Variants in ARHGEF7 observed in about 807,000 individuals in gnomAD.
The protein encoded by ARHGEF7 is PAK-interacting exchange factor beta.
ARHGEF7 carries 33 observed loss-of-function variants against 109.8 expected under a neutral mutation model. That is an observed-to-expected ratio of 0.30 (90% CI 0.23 to 0.40). ARHGEF7 has a LOEUF of 0.40. Ranked by LOEUF, ARHGEF7 falls within the 10% of genes least tolerant of loss-of-function variation. ARHGEF7 has a pLI of 1.00. For missense variants in ARHGEF7, 938 were observed against 1,098.5 expected, an observed-to-expected ratio of 0.85 and a Z score of 2.07; for synonymous variants, 458 against 424.6, an observed-to-expected ratio of 1.08 and a Z score of -0.97.
intron 6 of ARHGEF7, among the ~76,000 whole-genome samples, chr13:111,234,741 C>A (rs1415636270): frequency 6.6e-6 from 1 of 151,104 alleles, no homozygotes; most frequent in Non-Finnish European, 1.5e-5. Flanking sequence ...CCCTTTTTTT[C>A]ATTCATCTTC....
At chr13:111,137,496 C>G (rs551802107) in intron 1 of ARHGEF7, among the ~76,000 whole-genome samples, 1 of 152,214 alleles carries the variant, frequency 6.6e-6, no homozygotes, top group East Asian at 1.9e-4. Context: ...TCATGCTTAA[C>G]AAGTTTCCTA....
rs1393419922 is a variant in ARHGEF7 at position 111,144,168 on chromosome 13, G to A, written c.166-9737G>A. The A allele has an allele frequency of 3.3e-5, 5 of 152,182 alleles. No homozygotes were observed. In the East Asian group the frequency reaches 9.6e-4, roughly 29 times the overall value. 9.4% of individuals were successfully genotyped at this position (152,182 alleles called of 1,614,324 possible). A position where few individuals can be genotyped will look rare whatever the true frequency, so the allele number is the denominator to read the frequency against. ...TGGGAACTGGAGGTTTGGTACACTTGTATCTATTACTACCCTTCATAATCT... is the reference window on the plus strand; with the variant it reads ...TGGGAACTGGAGGTTTGGTACACTTATATCTATTACTACCCTTCATAATCT... On this transcript the variant is annotated intron_variant, in intron 1 of 21. Transcript: ENST00000646102.
chr13:111,148,489 G>A (rs2075729249), intron 1 of ARHGEF7, among the ~76,000 whole-genome samples: 1 of 152,190 alleles, frequency 6.6e-6, no homozygotes, highest in African/African-American at 2.4e-5. Flanking sequence ...GGCACAGGAT[G>A]GTTTTAAGGG....
rs561274081 is a variant in ARHGEF7, at chr13:111,221,620, G to GTA, written c.670+3750_670+3751dup. ...ATAGATATATATCTCCCCTTTATATGTATATATATATGTATCTCCCCTTTA... is the reference window on the plus strand; with the variant it reads ...ATAGATATATATCTCCCCTTTATATGTATATATATATATGTATCTCCCCTTTA... On this transcript the variant is annotated intron_variant, in intron 5 of 21. Transcript: ENST00000646102. 1.3e-3 allele frequency among the ~76,000 whole-genome samples: 133 copies of GTA among 103,020 alleles called. 1 individual carries two copies. The highest frequency in any genetic ancestry group is 7.7e-3 in the South Asian group (22 of 2,874). 67.6% of individuals were successfully genotyped at this position (103,020 alleles called of 152,430 possible).
At chr13:111,274,460 G>A (rs1315586823) in intron 10 of ARHGEF7, among the ~76,000 whole-genome samples, 1 of 152,192 alleles carries the variant, frequency 6.6e-6, no homozygotes, top group South Asian at 2.1e-4. Context: ...CTGTATGTGA[G>A]CCGTGGCAGT....
At position 111,250,371 on chromosome 13, in the gene ARHGEF7, G is replaced by C. The variant is rs1307347712; in HGVS notation, c.950+6077G>C. ...ACGTGCGTGATGCTGGCTGGCTGCT[G>C]ATAGAGCCTGTCCTGGTGGAGCTTA... On this transcript the variant is annotated intron_variant, in intron 8 of 21. Coordinates refer to ENST00000646102, the MANE Select transcript of ARHGEF7 (RefSeq NM_001354046.2). Among the ~76,000 whole-genome samples the C allele has an allele frequency of 5.3e-5, 8 of 152,352 alleles. No homozygotes were observed. In the East Asian group the frequency reaches 1.3e-3, roughly 26 times the overall value.
Position 111,292,101 on chromosome 13 carries a change from C to T in ARHGEF7, c.2135-17C>T, listed in dbSNP as rs1306540728. 2 of 1,609,214 alleles carry T rather than the reference C, an allele frequency of 1.2e-6. No homozygotes were observed. The highest frequency in any genetic ancestry group is 1.7e-6 in the Non-Finnish European group (2 of 1,177,574). On this transcript the variant is annotated splice_polypyrimidine_tract_variant and intron_variant, in intron 18 of 21. Coordinates refer to ENST00000646102, the MANE Select transcript of ARHGEF7 (RefSeq NM_001354046.2). ...CCCCCTGCCTGTCGCGCCTGTCCCT[C>T]CGCCCGCCCGTCTTAGCATGGCAAG...
At chr13:111,299,392 G>A (rs1224074125) in intron 19 of ARHGEF7, among the ~76,000 whole-genome samples, 4 of 146,500 alleles carry the variant, frequency 2.7e-5, no homozygotes, top group Non-Finnish European at 4.5e-5. Flanking sequence ...GCCCAGGCTG[G>A]AGTGCAGTGG....
chr13:111,226,599 A>G lies in ARHGEF7; in HGVS notation c.671-6606A>G, dbSNP rs533264497. 8.7e-4 allele frequency among the ~76,000 whole-genome samples: 133 copies of G among 152,318 alleles called. 1 individual carries two copies. The highest frequency in any genetic ancestry group is 1.7e-3 in the Non-Finnish European group (117 of 68,026). ...CCACTTTAGAGACCTCCCACTCAGGAAAAAAAGATTCCCTTGAGCATGTTA... is the reference window on the plus strand; with the variant it reads ...CCACTTTAGAGACCTCCCACTCAGGGAAAAAAGATTCCCTTGAGCATGTTA... On this transcript the variant is annotated intron_variant, in intron 5 of 21. Transcript: ENST00000646102.
intron 1 of ARHGEF7, among the ~76,000 whole-genome samples, chr13:111,139,478 A>G (rs1008003370): frequency 3.9e-5 from 6 of 152,056 alleles, no homozygotes; most frequent in Non-Finnish European, 7.4e-5. Context: ...AGGCCTCCAG[A>G]GCGTGTTTTG....
At chr13:111,167,212 G>A (rs896369281) in intron 2 of ARHGEF7, among the ~76,000 whole-genome samples, 2 of 152,158 alleles carry the variant, frequency 1.3e-5, no homozygotes, top group East Asian at 1.9e-4. Flanking sequence ...GTCATATAGC[G>A]TGAAAGTTGG....
At chr13:111,268,957 A>G (rs1362901584) in intron 9 of ARHGEF7, among the ~76,000 whole-genome samples, 1 of 152,216 alleles carries the variant, frequency 6.6e-6, no homozygotes, top group Admixed American at 6.5e-5. Flanking sequence ...CCTATTTGTT[A>G]CTAAAGCATC....
chr13:111,297,787 A>G (rs1053659261), intron 19 of ARHGEF7, among the ~76,000 whole-genome samples: 8 of 152,240 alleles, frequency 5.3e-5, no homozygotes, highest in Admixed American at 6.5e-5. Context: ...CAAAGTTGAC[A>G]TTCTTTGTGA....
chr13:111,221,208 T>C (rs60291943), intron 5 of ARHGEF7, among the ~76,000 whole-genome samples: 18 of 59,416 alleles, frequency 3.0e-4, no homozygotes, highest in African/African-American at 9.9e-4. Flanking sequence ...TCTATATAGA[T>C]ATATATGTCT....
chr13:111,257,573 CA>C (rs2090581949), intron 8 of ARHGEF7, among the ~76,000 whole-genome samples: 1 of 152,328 alleles, frequency 6.6e-6, no homozygotes, highest in African/African-American at 2.4e-5. Context: ...ACAGGAACAC[CA>C]AATTGAACAA....
In ARHGEF7 at chr13:111,255,677, T is replaced by C. The variant is rs2090341835; in HGVS notation, c.950+11383T>C. On this transcript the variant is annotated intron_variant, in intron 8 of 21. Transcript: ENST00000646102. This position sits in a 1 kb window ranked among gnomAD's most constrained non-coding sequence, Gnocchi z 4.1. ...TGGTGTTCGTGAAAGAAGATCTGTT[T>C]TCAGTCACATTGGTGAGGGACTTTT... Among the ~76,000 whole-genome samples the C allele has an allele frequency of 6.6e-6, 1 of 152,262 alleles. No homozygotes were observed. Among genetic ancestry groups the C allele is most frequent in the African/African-American group, 2.4e-5 (1 of 41,462 alleles).
chr13:111,155,435 GTAT>G (rs1442865461), intron 2 of ARHGEF7, among the ~76,000 whole-genome samples: 2 of 152,228 alleles, frequency 1.3e-5, no homozygotes, highest in Non-Finnish European at 2.9e-5. Context: ...ATTGTTGGTA[GTAT>G]TTCATGTTGG....
At position 111,213,739 on chromosome 13, in the gene ARHGEF7, C is replaced by A. The variant is rs114389324; in HGVS notation, c.468+3737C>A. On this transcript the variant is annotated intron_variant, in intron 4 of 21. Transcript: ENST00000646102. ...GAGCTTTTTAAAAAAGGGAAAAAAA[C>A]CCCACAATGATAAAATAGTGATGAA... Among the ~76,000 whole-genome samples, 1,267 of 152,170 alleles carry A rather than the reference C, an allele frequency of 8.3e-3. 20 individuals are homozygous for A. Among genetic ancestry groups the A allele is most frequent in the African/African-American group, 0.029 (1,188 of 41,490 alleles).
chr13:111,217,923 G>A (rs769310646), intron 5 of ARHGEF7, 43 bp downstream of exon 5: 2 of 1,549,942 alleles, frequency 1.3e-6, no homozygotes, highest in South Asian at 2.4e-5. Flanking sequence ...TTTGCGATGA[G>A]CAGAAAGAAG....
Sources: allele counts gnomAD v4.1 joint callset (sites outside exome capture counted in the v4.1 genomes callset), GRCh38; gene constraint gnomAD v4.1.1; non-coding constraint Gnocchi (gnomAD v3.1); transcripts MANE v1.5; gene names NCBI Gene and HGNC (gene_info 2026-07-23, HGNC 2026-07-21).